The following PTPRG variants were observed in gnomAD, a reference collection of about 807,000 sequenced individuals.
The protein encoded by PTPRG is receptor-type tyrosine-protein phosphatase gamma.
A neutral mutation model predicts 165.3 loss-of-function variants in PTPRG; 102 were observed. That is an observed-to-expected ratio of 0.62 (90% CI 0.53 to 0.73). The LOEUF is 0.73. PTPRG is among the 30% of genes least tolerant of loss of function. PTPRG has a pLI of 0.00. For missense variants in PTPRG, 1,866 were observed against 1,861.4 expected (o/e 1.00, Z -0.05); for synonymous variants, 675 against 669.5 (o/e 1.01, Z -0.13).
At chr3:62,160,864 A>ATTTTTTTTTTTTTT (rs5849464) in intron 7 of PTPRG, among the ~76,000 whole-genome samples, 5 of 103,984 alleles carry the variant, frequency 4.8e-5, no homozygotes, top group African/African-American at 1.5e-4. Flanking sequence ...TAGATGTGTG[A>ATTTTTTTTTTTTTT]TTTTTTTTTT....
rs552702877 is a variant in PTPRG, at chr3:62,048,928, A to G, written c.520-29235A>G. 4.1e-4 allele frequency among the ~76,000 whole-genome samples: 62 copies of G among 152,324 alleles called. 2 individuals carry two copies. In the South Asian group the frequency reaches 0.013, roughly 31 times the overall value. ...AGGCGCTGAGTAAAGGGAGTTTGAG[A>G]TAAGCTTGAACAAGTAGACTGCTGC... On this transcript the variant is annotated intron_variant, in intron 4 of 29. Coordinates refer to ENST00000474889, the MANE Select transcript of PTPRG (RefSeq NM_002841.4).
intron 4 of PTPRG, among the ~76,000 whole-genome samples, chr3:62,073,814 T>G (rs536855154): frequency 1.2e-4 from 18 of 152,282 alleles, no homozygotes; most frequent in Admixed American, 1.2e-3. Context: ...TTCTGCCCTG[T>G]ACGCTTCCAA....
chr3:61,605,181 A>G (rs187457476), intron 1 of PTPRG, among the ~76,000 whole-genome samples: 179 of 152,272 alleles, frequency 1.2e-3, no homozygotes, highest in Non-Finnish European at 1.9e-3. Context: ...TACTGAGAGA[A>G]CCCTAACGAT....
chr3:61,611,466 A>T (rs780143629), intron 1 of PTPRG, among the ~76,000 whole-genome samples: 14 of 152,124 alleles, frequency 9.2e-5, no homozygotes, highest in Non-Finnish European at 1.8e-4. Context: ...TGGGGACTTT[A>T]TGTATGTTGT....
At chr3:61,713,163 TG>T (rs201083665) in intron 1 of PTPRG, among the ~76,000 whole-genome samples, 16,342 of 140,564 alleles carry the variant, frequency 0.12, 1,136 homozygotes, top group East Asian at 0.22. Flanking sequence ...ACATCAAATA[TG>T]TTTTTTTTTT....
At chr3:61,886,963 A>G (rs1342448269) in intron 2 of PTPRG, among the ~76,000 whole-genome samples, 2 of 151,130 alleles carry the variant, frequency 1.3e-5, no homozygotes, top group African/African-American at 4.9e-5. Flanking sequence ...CAAACAGCGC[A>G]CAGTGTTCAT....
In PTPRG at chr3:62,255,003, T is replaced by A; in HGVS notation, c.2468-121T>A. 1.4e-6 allele frequency: 1 copy of A among 733,388 alleles called. No homozygotes were observed. Among genetic ancestry groups the A allele is most frequent in the Non-Finnish European group, 2.2e-6 (1 of 451,616 alleles). 45.4% of individuals were successfully genotyped at this position (733,388 alleles called of 1,614,324 possible). ...TCTTCAGGACATCTATTTTGTGTGATACAATTATTTTGCTCTTTGCAAAAA... is the reference window on the plus strand; with the variant it reads ...TCTTCAGGACATCTATTTTGTGTGAAACAATTATTTTGCTCTTTGCAAAAA... On this transcript the variant is annotated intron_variant, in intron 15 of 29. Coordinates refer to ENST00000474889, the MANE Select transcript of PTPRG (RefSeq NM_002841.4). The surrounding 1 kb of genome is among the most constrained non-coding windows in gnomAD (Gnocchi z 4.0).
At chr3:61,957,490 T>C (rs1384995738) in intron 2 of PTPRG, among the ~76,000 whole-genome samples, 1 of 152,248 alleles carries the variant, frequency 6.6e-6, no homozygotes, top group Non-Finnish European at 1.5e-5. Flanking sequence ...TTGACTTGGA[T>C]GCAGCATTTT....
In PTPRG at chr3:61,884,792, C is replaced by G. The variant is rs566673967; in HGVS notation, c.191-104833C>G. On this transcript the variant is annotated intron_variant, in intron 2 of 29. Transcript: ENST00000474889. ...TCTTCTTGATTTGAAAAAGCAGGTA[C>G]AAGGCTACATTGTGGTTCAAGTTTT... Among the ~76,000 whole-genome samples the G allele has an allele frequency of 2.6e-4, 39 of 152,270 alleles. 2 individuals are homozygous for G. The East Asian group carries it at 2.9e-3, about 11-fold the overall frequency.
intron 6 of PTPRG, among the ~76,000 whole-genome samples, chr3:62,145,521 A>G (rs1704086509): frequency 6.6e-6 from 1 of 151,614 alleles, no homozygotes; most frequent in Non-Finnish European, 1.5e-5. Context: ...TCCATACAAA[A>G]ATAAAATGAA....
chr3:62,147,692 T>G (rs190819896), intron 6 of PTPRG, among the ~76,000 whole-genome samples: 1 of 152,334 alleles, frequency 6.6e-6, no homozygotes, highest in African/African-American at 2.4e-5. Context: ...GCTTGTTTGT[T>G]TCTTCATTCT....
At chr3:61,672,093 C>T (rs1434192083) in intron 1 of PTPRG, among the ~76,000 whole-genome samples, 1 of 149,204 alleles carries the variant, frequency 6.7e-6, no homozygotes, top group African/African-American at 2.5e-5. Flanking sequence ...GGCAGCAGGG[C>T]AGAGGTGCTC....
chr3:62,118,930 T>C (rs1158257501), intron 5 of PTPRG, among the ~76,000 whole-genome samples: 1 of 152,244 alleles, frequency 6.6e-6, no homozygotes, highest in Non-Finnish European at 1.5e-5. Context: ...AGCTTCATCC[T>C]CCTTAACGTC....
intron 2 of PTPRG, among the ~76,000 whole-genome samples, chr3:61,840,885 A>G (rs607467): frequency 0.42 from 63,756 of 150,224 alleles, 15,014 homozygotes; most frequent in East Asian, 0.68. Context: ...CTGGGCAAGC[A>G]ATTCTTCTGC....
chr3:61,971,657 A>G (rs564924328), intron 2 of PTPRG, among the ~76,000 whole-genome samples: 20 of 152,352 alleles, frequency 1.3e-4, no homozygotes, highest in African/African-American at 1.7e-4. Context: ...GAGATGTCAC[A>G]TAGGTATACT....
At chr3:61,829,568 C>T (rs935977618) in intron 2 of PTPRG, among the ~76,000 whole-genome samples, 13 of 152,250 alleles carry the variant, frequency 8.5e-5, no homozygotes, top group African/African-American at 2.4e-4. Context: ...TCCAACCCTT[C>T]CTGCTGTCTC....
At chr3:61,878,137 CTTAACATTTTCTGT>C (rs2037794368) in intron 2 of PTPRG, among the ~76,000 whole-genome samples, 1 of 152,168 alleles carries the variant, frequency 6.6e-6, no homozygotes, top group Non-Finnish European at 1.5e-5. Context: ...CACTGAAACA[CTTAACATTTTCTGT>C]TTTATTGATG....
intron 2 of PTPRG, among the ~76,000 whole-genome samples, chr3:61,930,415 C>G (rs776956850): frequency 9.2e-4 from 140 of 152,298 alleles, no homozygotes; most frequent in Admixed American, 3.7e-3. Context: ...TCCGTCTCCC[C>G]CTGTCTTCTC....
At chr3:62,130,960 G>A (rs1052824103) in intron 5 of PTPRG, among the ~76,000 whole-genome samples, 5 of 151,306 alleles carry the variant, frequency 3.3e-5, no homozygotes, top group African/African-American at 1.2e-4. Context: ...TATCTGTAAT[G>A]TTTACAATGT....
Sources: allele counts gnomAD v4.1 joint callset (sites outside exome capture counted in the v4.1 genomes callset), GRCh38; gene constraint gnomAD v4.1.1; non-coding constraint Gnocchi (gnomAD v3.1); transcripts MANE v1.5; gene names NCBI Gene and HGNC (gene_info 2026-07-23, HGNC 2026-07-21).